ATG13: variants seen among roughly 807,000 people sequenced by gnomAD.
ATG13 encodes the protein autophagy-related protein 13.
ATG13 carries 23 observed loss-of-function variants against 65.5 expected under a neutral mutation model. That is an observed-to-expected ratio of 0.35 (90% confidence interval 0.25 to 0.50). The LOEUF (loss-of-function observed/expected upper bound fraction) is 0.50. Among genes scored for constraint, ATG13 ranks in the 20% least tolerant of loss-of-function variants. ATG13 has a pLI of 0.98. For missense variants in ATG13, 566 were observed against 677.0 expected (o/e 0.84, Z 1.82); for synonymous variants, 252 against 245.2 (o/e 1.03, Z -0.26).
chr11:46,618,885 A>G (rs1280420207), intron 1 of ATG13, among the ~76,000 whole-genome samples: 1 of 152,138 alleles, frequency 6.6e-6, no homozygotes, highest in Admixed American at 6.6e-5. Flanking sequence ...TGGCGCCTTC[A>G]TAGCTAACTT....
Position 46,672,694 on chromosome 11 carries a change from C to A in ATG13, c.*362C>A. 7.3e-7 allele frequency: 1 copy of A among 1,366,666 alleles called. No individual in the cohort carries two copies. The highest frequency in any genetic ancestry group is 9.7e-7 in the Non-Finnish European group (1 of 1,032,556). 84.7% of individuals were successfully genotyped at this position (1,366,666 alleles called of 1,614,324 possible). On this transcript the variant is annotated 3_prime_UTR_variant, in exon 19 of 19. Coordinates refer to ENST00000683050, the MANE Select transcript of ATG13 (RefSeq NM_001346311.2). Reference sequence around the variant, plus strand: ...CTGCCTGGGCCTGCCTTGCAGCTGGCCCCTTCCCTGCCTGCTGTCACCATC... The same window carrying A: ...CTGCCTGGGCCTGCCTTGCAGCTGGACCCTTCCCTGCCTGCTGTCACCATC...
intron 11 of ATG13, among the ~76,000 whole-genome samples, chr11:46,661,362 C>T (rs1384011287): frequency 6.7e-6 from 1 of 149,302 alleles, no homozygotes; most frequent in Admixed American, 6.6e-5. Flanking sequence ...ACTGAAAATA[C>T]AAAAAATTAG....
intron 8 of ATG13, 76 bp from the exon 9 acceptor site, chr11:46,657,019 A>G: frequency 7.9e-7 from 1 of 1,260,660 alleles, no homozygotes. Flanking sequence ...TAGGCCAAAT[A>G]ATTCAGGGAA....
intron 17 of ATG13, 98 bp downstream of exon 17, chr11:46,669,008 A>T: frequency 1.9e-6 from 2 of 1,037,978 alleles, no homozygotes; most frequent in Non-Finnish European, 2.9e-6. Flanking sequence ...TAGGGATCAG[A>T]TGTGCTGGTG....
intron 2 of ATG13, among the ~76,000 whole-genome samples, chr11:46,639,265 C>T (rs1332106353): frequency 6.6e-6 from 1 of 152,160 alleles, no homozygotes; most frequent in East Asian, 1.9e-4. Context: ...GGATTATAGG[C>T]GTGAGCCACC....
At chr11:46,667,678 C>G (rs2062667596) in intron 14 of ATG13, 95 bp from the exon 15 acceptor site, 3 of 947,806 alleles carry the variant, frequency 3.2e-6, no homozygotes, top group Non-Finnish European at 4.8e-6. Flanking sequence ...AACTCCTGCC[C>G]TAGGCCACAG....
In ATG13 at chr11:46,645,926, G is replaced by A; in HGVS notation, c.207G>A (p.Leu69=). 3 of 1,614,196 alleles carry A rather than the reference G, an allele frequency of 1.9e-6. No individual in the cohort carries two copies. Among genetic ancestry groups the A allele is most frequent in the Non-Finnish European group, 2.5e-6 (3 of 1,180,018 alleles). The change falls in exon 5 of 19, where the codon CTG becomes CTA. Residue 69 remains leucine, a synonymous_variant. Transcript: ENST00000683050. Reference sequence around the variant, plus strand: ...TTACACATGAAGCAAAGAAGGCACTGGCAGGACAGCTGCCTGCAGTCGGGA... The same window carrying A: ...TTACACATGAAGCAAAGAAGGCACTAGCAGGACAGCTGCCTGCAGTCGGGA... The part of the protein sequence containing the change: ...PEVTHEAKKA[L]AGQLPAVGRS...
chr11:46,663,250 A>G (rs2061552537), intron 11 of ATG13, among the ~76,000 whole-genome samples: 1 of 111,564 alleles, frequency 9.0e-6, no homozygotes, highest in Admixed American at 1.4e-4. Flanking sequence ...TGGGCGACAG[A>G]GTGAGACTCC....
chr11:46,641,518 A>T (rs1328449853), intron 2 of ATG13, among the ~76,000 whole-genome samples: 2 of 152,226 alleles, frequency 1.3e-5, no homozygotes, highest in Admixed American at 6.5e-5. Flanking sequence ...AAAAGTTAGT[A>T]TTATTGATTA....
chr11:46,657,091 C>T lies in ATG13; in HGVS notation c.500-4C>T, dbSNP rs765916974. The T allele has an allele frequency of 1.3e-5, 21 of 1,611,762 alleles. No homozygotes were observed. The highest frequency in any genetic ancestry group is 3.3e-4 in the Middle Eastern group (2 of 6,084). ...AGAAGCTAATAATGTATCTCTTCTC[C>T]TAGGCTTCCAGACAGTTCGTGTTGG... is the stretch of plus-strand genomic sequence containing the variant. On this transcript the variant is annotated splice_region_variant and splice_polypyrimidine_tract_variant and intron_variant, in intron 8 of 18. Coordinates refer to ENST00000683050, the MANE Select transcript of ATG13 (RefSeq NM_001346311.2).
chr11:46,651,092 T>C (rs564349691), intron 7 of ATG13, among the ~76,000 whole-genome samples: 56 of 152,356 alleles, frequency 3.7e-4, no homozygotes, highest in African/African-American at 1.3e-3. Context: ...GCACATTTAT[T>C]GAGCACCTTT....
chr11:46,621,293 G>A (rs1222001949), intron 1 of ATG13: 1 of 152,184 alleles, frequency 6.6e-6, no homozygotes, highest in African/African-American at 2.4e-5. Context: ...AATTACAGAT[G>A]TGAGCCACCG....
intron 11 of ATG13, among the ~76,000 whole-genome samples, chr11:46,660,626 T>C (rs1425605325): frequency 6.6e-6 from 1 of 151,822 alleles, no homozygotes; most frequent in East Asian, 1.9e-4. Context: ...GCCAGGATGG[T>C]CTCGATCTCC....
At chr11:46,618,924 C>T (rs570774056) in intron 1 of ATG13, among the ~76,000 whole-genome samples, 3 of 152,230 alleles carry the variant, frequency 2.0e-5, no homozygotes, top group East Asian at 1.9e-4. Flanking sequence ...CTCAGGGAAT[C>T]CTCCCACCTC....
At position 46,659,396 on chromosome 11, in the gene ATG13, G is replaced by C; in HGVS notation, c.700G>C (p.Ala234Pro). 6.2e-7 allele frequency: 1 copy of C among 1,611,918 alleles called. No homozygotes were observed. Among genetic ancestry groups the C allele is most frequent in the Non-Finnish European group, 8.5e-7 (1 of 1,178,176 alleles). The change falls in exon 11 of 19, where the codon GCT (alanine) becomes CCT (proline). Residue 234 changes from alanine to proline, a missense_variant. By Grantham distance (27) the Ala-to-Pro change is conservative. Coordinates refer to ENST00000683050, the MANE Select transcript of ATG13 (RefSeq NM_001346311.2). ...SPMHPCNYRT[A>P]GEDTGVIYPS... ...ATTTCTTTCTTTTCACTTTAGAACT[G>C]CTGGTGAGGACACTGGAGTAATATA...
intron 2 of ATG13, among the ~76,000 whole-genome samples, chr11:46,637,592 C>T (rs961957807): frequency 6.6e-6 from 1 of 152,118 alleles, no homozygotes; most frequent in East Asian, 1.9e-4. Context: ...CCAGGATGGT[C>T]GCAAATTCCT....
intron 7 of ATG13, among the ~76,000 whole-genome samples, chr11:46,653,849 G>C (rs1039835580): frequency 6.6e-6 from 1 of 151,992 alleles, no homozygotes; most frequent in Non-Finnish European, 1.5e-5. Flanking sequence ...GATTACAGGC[G>C]TGAGCCACCG....
At chr11:46,629,025 C>T (rs2050730543) in intron 1 of ATG13, among the ~76,000 whole-genome samples, 1 of 151,730 alleles carries the variant, frequency 6.6e-6, no homozygotes, top group South Asian at 2.1e-4. Flanking sequence ...TCACTACAAC[C>T]TCCTCCTCCT....
chr11:46,653,180 CTT>C (rs1226638713), intron 7 of ATG13, among the ~76,000 whole-genome samples: 5 of 132,634 alleles, frequency 3.8e-5, no homozygotes, highest in Admixed American at 1.5e-4. Flanking sequence ...CATTTCTTTT[CTT>C]TTTTTTTTTT....
Sources: allele counts gnomAD v4.1 joint callset (sites outside exome capture counted in the v4.1 genomes callset), GRCh38; gene constraint gnomAD v4.1.1; transcripts MANE v1.5; gene names NCBI Gene and HGNC (gene_info 2026-07-23, HGNC 2026-07-21).